OSBP2: variants seen among roughly 807,000 people sequenced by gnomAD.
OSBP2 encodes the protein oxysterol binding protein 2.
OSBP2 carries 66 observed loss-of-function variants against 96.0 expected under a neutral mutation model. The observed-to-expected ratio is 0.69, with a 90% CI of 0.56 to 0.84. OSBP2 has a LOEUF of 0.84. OSBP2 is among the 40% of genes least tolerant of loss of function. The probability of loss-of-function intolerance (pLI) is 0.00; values close to 1 mark genes in which losing one functional copy is unlikely to be tolerated. For synonymous variants in OSBP2, 525 were observed against 520.9 expected, an observed-to-expected ratio of 1.01 and a Z score of -0.11; for missense variants, 1,038 against 1,222.7, an observed-to-expected ratio of 0.85 and a Z score of 2.25.
intron 1 of OSBP2, 84 bp from the exon 2 acceptor site, chr22:30,741,077 C>G (rs995633565): frequency 2.6e-5 from 28 of 1,077,840 alleles, no homozygotes; most frequent in Non-Finnish European, 3.6e-5. Flanking sequence ...GTCTGAGATT[C>G]TGAGGATTTG....
At chr22:30,714,492 G>A (rs1485141870) in intron 1 of OSBP2, among the ~76,000 whole-genome samples, 1 of 151,986 alleles carries the variant, frequency 6.6e-6, no homozygotes, top group African/African-American at 2.4e-5. Context: ...CAGTAGCATG[G>A]TGTATTTCAC....
chr22:30,732,032 A>G (rs2089788280), intron 1 of OSBP2, among the ~76,000 whole-genome samples: 1 of 152,188 alleles, frequency 6.6e-6, no homozygotes, highest in Non-Finnish European at 1.5e-5. Flanking sequence ...TGCTAGGCAC[A>G]GTGGCTCATG....
chr22:30,785,893 G>C (rs535524530), intron 2 of OSBP2, among the ~76,000 whole-genome samples: 1 of 152,124 alleles, frequency 6.6e-6, no homozygotes, highest in Non-Finnish European at 1.5e-5. Context: ...TTTCCACCAT[G>C]ATTATAAGTT....
Position 30,881,635 on chromosome 22 carries a change from C to T in OSBP2, c.1108-5791C>T, listed in dbSNP as rs1157107423. The T allele has an allele frequency of 1.5e-6, 2 of 1,296,896 alleles. No individual in the cohort carries two copies. Among genetic ancestry groups the T allele is most frequent in the Non-Finnish European group, 2.0e-6 (2 of 983,224 alleles). 80.3% of individuals were successfully genotyped at this position (1,296,896 alleles called of 1,614,324 possible). A position where few individuals can be genotyped will look rare whatever the true frequency, so the allele number is the denominator to read the frequency against. ...CCCCTGCCAGTCCCTCTGCCGGGCC[C>T]CAAGCCTAATCCAGCTTATCAAGCA... is the stretch of plus-strand genomic sequence containing the variant. On this transcript the variant is annotated intron_variant, in intron 3 of 13. Transcript: ENST00000332585. This position sits in a 1 kb window ranked among gnomAD's most constrained non-coding sequence, Gnocchi z 4.5.
intron 1 of OSBP2, among the ~76,000 whole-genome samples, chr22:30,696,781 G>A (rs2089045992): frequency 6.6e-6 from 1 of 152,108 alleles, no homozygotes; most frequent in South Asian, 2.1e-4. Context: ...AGCCTCCTGA[G>A]TAGTTGGGAT....
At chr22:30,837,510 T>G (rs1188319612) in intron 2 of OSBP2, among the ~76,000 whole-genome samples, 5 of 152,166 alleles carry the variant, frequency 3.3e-5, no homozygotes, top group Admixed American at 6.5e-5. Flanking sequence ...CTGCACTGTG[T>G]GAAGAAGAAA....
intron 2 of OSBP2, among the ~76,000 whole-genome samples, chr22:30,778,303 G>GTGCACACACA (rs1555912359): frequency 6.8e-6 from 1 of 146,528 alleles, no homozygotes; most frequent in Non-Finnish European, 1.5e-5. Flanking sequence ...GTGTGCATGT[G>GTGCACACACA]CACACACACA....
At chr22:30,898,786 G>A (rs1357297875) in intron 12 of OSBP2, among the ~76,000 whole-genome samples, 1 of 151,844 alleles carries the variant, frequency 6.6e-6, no homozygotes, top group East Asian at 1.9e-4. Context: ...CACTTTGGAA[G>A]GCTGAGGCGG....
At position 30,695,202 on chromosome 22, in the gene OSBP2, C is replaced by A; in HGVS notation, c.293C>A (p.Ser98Ter). 1 of 1,612,954 alleles carries A rather than the reference C, an allele frequency of 6.2e-7. No individual in the cohort carries two copies. The highest frequency in any genetic ancestry group is 8.5e-7 in the Non-Finnish European group (1 of 1,179,460). The change falls in exon 1 of 14, where the codon TCG (serine) becomes TAG (stop). Residue 98 changes from serine (S) to a stop codon, truncating the protein, a stop_gained. Coordinates refer to ENST00000332585, the MANE Select transcript of OSBP2 (RefSeq NM_030758.4). LOFTEE classifies it high-confidence loss of function. ...CCGGAGCCAGGGGCTGGGCAGCCAT[C>A]GGAACTGCTGCAGGGGTCGCGGCCG... ...SEPEPGAGQP[S>*]ELLQGSRPGS...
chr22:30,866,236 C>T (rs373821274), intron 2 of OSBP2, among the ~76,000 whole-genome samples: 21 of 152,204 alleles, frequency 1.4e-4, no homozygotes, highest in Admixed American at 3.9e-4. Flanking sequence ...CAGGTGGGCC[C>T]AGCACAATCA....
chr22:30,809,003 G>A (rs556695070), intron 2 of OSBP2, among the ~76,000 whole-genome samples: 3 of 152,298 alleles, frequency 2.0e-5, no homozygotes, highest in East Asian at 1.9e-4. Context: ...ACCACCAGGT[G>A]AAGACACAGA....
intron 2 of OSBP2, among the ~76,000 whole-genome samples, chr22:30,783,496 A>G (rs560515510): frequency 1.5e-4 from 23 of 151,334 alleles, no homozygotes; most frequent in Non-Finnish European, 2.8e-4. Flanking sequence ...TAATTTTTGT[A>G]TTTTTAGTTG....
At position 30,741,385 on chromosome 22, in the gene OSBP2, G is replaced by C. The variant is rs757614093; in HGVS notation, c.853+16G>C. On this transcript the variant is annotated intron_variant, in intron 2 of 13. Transcript: ENST00000332585. Reference sequence around the variant, plus strand: ...ACTCATTCAGGTAGTGAGCACTTGGGACAGCGGGTGTGTATATGGTGGTGT... The same window carrying C: ...ACTCATTCAGGTAGTGAGCACTTGGCACAGCGGGTGTGTATATGGTGGTGT... The C allele has an allele frequency of 6.3e-7, 1 of 1,589,700 alleles. No homozygotes were observed. Among genetic ancestry groups the C allele is most frequent in the Non-Finnish European group, 8.5e-7 (1 of 1,169,756 alleles).
intron 2 of OSBP2, among the ~76,000 whole-genome samples, chr22:30,760,630 A>G (rs1353209166): frequency 6.6e-6 from 1 of 152,116 alleles, no homozygotes; most frequent in Non-Finnish European, 1.5e-5. Flanking sequence ...AGCTTGGCCA[A>G]CATGGTGAAA....
At chr22:30,831,818 C>G (rs1169573767) in intron 2 of OSBP2, among the ~76,000 whole-genome samples, 4 of 152,134 alleles carry the variant, frequency 2.6e-5, no homozygotes, top group African/African-American at 9.6e-5. Context: ...GATGGGAGGC[C>G]ACTTATGGCC....
intron 2 of OSBP2, among the ~76,000 whole-genome samples, chr22:30,801,243 G>A (rs1258507166): frequency 6.6e-6 from 1 of 152,168 alleles, no homozygotes; most frequent in East Asian, 1.9e-4. Flanking sequence ...TCTTGTCATT[G>A]AGTTTTGACA....
chr22:30,873,748 G>A (rs903135417), intron 3 of OSBP2, among the ~76,000 whole-genome samples: 2 of 152,232 alleles, frequency 1.3e-5, no homozygotes, highest in African/African-American at 4.8e-5. Flanking sequence ...TTTCCACTTT[G>A]TGGGCTCTGA....
chr22:30,833,714 G>T (rs929070983), intron 2 of OSBP2, among the ~76,000 whole-genome samples: 2 of 152,188 alleles, frequency 1.3e-5, no homozygotes, highest in African/African-American at 4.8e-5. Context: ...GTGTATCTTT[G>T]CTAGAATTTC....
intron 1 of OSBP2, among the ~76,000 whole-genome samples, chr22:30,730,864 C>A (rs1471380071): frequency 7.1e-6 from 1 of 141,824 alleles, no homozygotes; most frequent in African/African-American, 2.6e-5. Flanking sequence ...GAAAACATAG[C>A]CCAAGGCAGG....
Sources: allele counts gnomAD v4.1 joint callset (sites outside exome capture counted in the v4.1 genomes callset), GRCh38; gene constraint gnomAD v4.1.1; non-coding constraint Gnocchi (gnomAD v3.1); transcripts MANE v1.5; gene names NCBI Gene and HGNC (gene_info 2026-07-23, HGNC 2026-07-21).